Variants in NTN1 observed in about 807,000 individuals in gnomAD.
The protein encoded by NTN1 is netrin-1.
Under a neutral mutation model 54.2 loss-of-function variants are expected in NTN1, and 11 were observed. The ratio of observed to expected loss-of-function variants is 0.20; its 90% CI spans 0.13 to 0.34. The LOEUF (loss-of-function observed/expected upper bound fraction) is 0.34, where lower values mean the gene tolerates loss of function less well. NTN1 is among the 10% of genes least tolerant of loss of function. The probability of loss-of-function intolerance (pLI) is 1.00; values close to 1 mark genes in which losing one functional copy is unlikely to be tolerated. For missense variants in NTN1, 740 were observed against 893.1 expected (o/e 0.83, Z 2.18); for synonymous variants, 371 against 382.0 (o/e 0.97, Z 0.33).
intron 2 of NTN1, among the ~76,000 whole-genome samples, chr17:9,058,298 A>G (rs1338986748): frequency 1.3e-5 from 2 of 152,228 alleles, no homozygotes; most frequent in Non-Finnish European, 1.5e-5. Flanking sequence ...CATCTGAATC[A>G]TTTTTGAATA....
At chr17:9,064,558 G>A (rs899512012) in intron 2 of NTN1, among the ~76,000 whole-genome samples, 2 of 152,142 alleles carry the variant, frequency 1.3e-5, no homozygotes, top group African/African-American at 2.4e-5. Flanking sequence ...TCCTCCCTGA[G>A]TCTGATGAGT....
At chr17:9,204,724 A>C (rs747623631) in intron 5 of NTN1, among the ~76,000 whole-genome samples, 7 of 152,212 alleles carry the variant, frequency 4.6e-5, no homozygotes, top group Non-Finnish European at 1.0e-4. Flanking sequence ...CATACCAGGC[A>C]GAGACACAGC....
chr17:9,091,178 C>T (rs2092109272), intron 2 of NTN1, among the ~76,000 whole-genome samples: 1 of 152,166 alleles, frequency 6.6e-6, no homozygotes, highest in Non-Finnish European at 1.5e-5. Flanking sequence ...AAAATGGAAA[C>T]ATTTTATGTG....
At chr17:9,025,322 C>G (rs1413414200) in intron 2 of NTN1, among the ~76,000 whole-genome samples, 1 of 152,142 alleles carries the variant, frequency 6.6e-6, no homozygotes, top group African/African-American at 2.4e-5. Flanking sequence ...TGTCTCTTGA[C>G]CAAAGCACTA....
At chr17:9,203,674 G>A (rs1286883764) in intron 5 of NTN1, among the ~76,000 whole-genome samples, 1 of 151,918 alleles carries the variant, frequency 6.6e-6, no homozygotes, top group Non-Finnish European at 1.5e-5. Context: ...GTGGTGGTGG[G>A]CGCCTGTAAT....
intron 5 of NTN1, among the ~76,000 whole-genome samples, chr17:9,207,097 C>T (rs1189168988): frequency 6.6e-6 from 1 of 152,118 alleles, no homozygotes; most frequent in African/African-American, 2.4e-5. Flanking sequence ...ACTTGCTCAA[C>T]AAATATTTAT....
At chr17:9,147,333 G>A (rs1455329131) in intron 2 of NTN1, among the ~76,000 whole-genome samples, 1 of 152,116 alleles carries the variant, frequency 6.6e-6, no homozygotes, top group Non-Finnish European at 1.5e-5. Flanking sequence ...GTGAAACCCC[G>A]TCTCTACTAA....
intron 3 of NTN1, among the ~76,000 whole-genome samples, chr17:9,166,502 C>A (rs1376104536): frequency 6.6e-6 from 1 of 151,996 alleles, no homozygotes; most frequent in Non-Finnish European, 1.5e-5. Context: ...CCACCACAAC[C>A]AGCTAATTTT....
At position 9,061,704 on chromosome 17, in the gene NTN1, G is replaced by A. The variant is rs141630231; in HGVS notation, c.1018+38313G>A. Among the ~76,000 whole-genome samples the A allele has an allele frequency of 5.6e-3, 844 of 151,798 alleles. 8 individuals are homozygous for A. The highest frequency in any genetic ancestry group is 0.025 in the Admixed American group (383 of 15,194). On this transcript the variant is annotated intron_variant, in intron 2 of 6. Transcript: ENST00000173229. Reference sequence around the variant, plus strand: ...GTTGTTGTTGTTTTTGTTTTATTTTGTTTTGTTTTGTTTTTTTGAGACGGA... The same window carrying A: ...GTTGTTGTTGTTTTTGTTTTATTTTATTTTGTTTTGTTTTTTTGAGACGGA...
At chr17:9,238,742 G>A (rs764679176) in intron 6 of NTN1, among the ~76,000 whole-genome samples, 8 of 152,156 alleles carry the variant, frequency 5.3e-5, no homozygotes, top group Non-Finnish European at 1.2e-4. Flanking sequence ...TTTATTTAGC[G>A]TCTCTTATTT....
At chr17:9,186,964 G>T (rs2092435337) in intron 5 of NTN1, among the ~76,000 whole-genome samples, 1 of 152,098 alleles carries the variant, frequency 6.6e-6, no homozygotes, top group Admixed American at 6.5e-5. Context: ...ACTAAAATGG[G>T]CACCTGAGGG....
intron 3 of NTN1, 121 bp downstream of exon 3, chr17:9,163,122 C>A: frequency 1.2e-6 from 1 of 866,764 alleles, no homozygotes; most frequent in Non-Finnish European, 1.8e-6. Context: ...TGTCTGAGGT[C>A]ATCTCTCTCT....
chr17:9,117,391 T>G (rs1420943976), intron 2 of NTN1, among the ~76,000 whole-genome samples: 1 of 152,104 alleles, frequency 6.6e-6, no homozygotes, highest in East Asian at 1.9e-4. Flanking sequence ...CTCAGAAGCA[T>G]GAGGACAGGT....
intron 2 of NTN1, among the ~76,000 whole-genome samples, chr17:9,157,345 A>C (rs997715530): frequency 3.3e-5 from 5 of 152,202 alleles, no homozygotes; most frequent in African/African-American, 2.4e-5. Flanking sequence ...TAGCTAGAAC[A>C]CTGTGAGTAT....
At chr17:9,111,575 T>G (rs1228040902) in intron 2 of NTN1, among the ~76,000 whole-genome samples, 4 of 152,158 alleles carry the variant, frequency 2.6e-5, no homozygotes, top group African/African-American at 9.7e-5. Context: ...AGGCACTGAC[T>G]GCCCCTCTGC....
chr17:9,049,238 G>T (rs972374803), intron 2 of NTN1, among the ~76,000 whole-genome samples: 1 of 152,120 alleles, frequency 6.6e-6, no homozygotes, highest in African/African-American at 2.4e-5. Context: ...AAAGTTAGGG[G>T]GTAAAAATAT....
At chr17:9,099,732 T>C (rs2092143665) in intron 2 of NTN1, among the ~76,000 whole-genome samples, 1 of 152,190 alleles carries the variant, frequency 6.6e-6, no homozygotes, top group South Asian at 2.1e-4. Flanking sequence ...CTACCAGAAA[T>C]ATTATGAGAA....
In NTN1 at chr17:9,221,427, C is replaced by T. The variant is rs753483005; in HGVS notation, c.1486+185C>T. On this transcript the variant is annotated intron_variant, in intron 6 of 6. Transcript: ENST00000173229. The surrounding 1 kb of genome is among the most constrained non-coding windows in gnomAD (Gnocchi z 4.5). ...TCTTTTCCTCCTTGGCCCTCAGAGA[C>T]GGGGGCATGAGGAGCCCAGTGGCCT... 8.5e-5 allele frequency among the ~76,000 whole-genome samples: 13 copies of T among 152,178 alleles called. No homozygotes were observed. Among genetic ancestry groups the T allele is most frequent in the Admixed American group, 2.6e-4 (4 of 15,284 alleles).
chr17:9,027,376 A>G (rs1208598061), intron 2 of NTN1, among the ~76,000 whole-genome samples: 1 of 152,190 alleles, frequency 6.6e-6, no homozygotes, highest in Non-Finnish European at 1.5e-5. Flanking sequence ...TCTTTTAGAG[A>G]TGAGGAAACC....
Sources: gnomAD v4.1 joint callset for allele counts (sites outside exome capture counted in the v4.1 genomes callset) on GRCh38, gnomAD v4.1.1 for gene constraint, Gnocchi (gnomAD v3.1) non-coding constraint, MANE v1.5 for transcripts, NCBI Gene and HGNC (gene_info 2026-07-23, HGNC 2026-07-21) for gene names.